Variants in ZNF678 observed in about 807,000 individuals in gnomAD.
ZNF678 encodes the protein zinc finger protein 678, also known as hypothetical protein MGC42493.
Under a neutral mutation model 3.0 loss-of-function variants are expected in ZNF678, and 5 were observed. The ratio of observed to expected loss-of-function variants is 1.69; its 90% confidence interval spans 0.88 to 3.56. The LOEUF (loss-of-function observed/expected upper bound fraction) is 3.56, where lower values mean the gene tolerates loss of function less well. Ranked by LOEUF, ZNF678 falls within the 30% of genes most tolerant of loss-of-function variation. ZNF678 has a pLI of 0.00. For synonymous variants in ZNF678, 218 were observed against 199.6 expected (o/e 1.09, Z -0.78); for missense variants, 593 against 605.0 (o/e 0.98, Z 0.21).
intron 1 of ZNF678, among the ~76,000 whole-genome samples, chr1:227,635,666 C>A (rs1318655162): frequency 6.6e-6 from 1 of 152,022 alleles, no homozygotes; most frequent in African/African-American, 2.4e-5. Flanking sequence ...TGGTCTCCTG[C>A]AAGCTGGAAG....
rs1204504279 is a variant in ZNF678, at chr1:227,654,532, C to T, written c.282C>T (p.Ser94=). ...TTACTCAATGTTCATCAACTAAAAG[C>T]AAAATCTTTCAATGTATTGAATGTG... is the stretch of plus-strand genomic sequence containing the variant. The part of the protein sequence containing the change: ...NRLTQCSSTK[S]KIFQCIECGR... Residue 94 remains serine (S), a synonymous_variant, in exon 4 of 4, where the codon AGC becomes AGT. Transcript: ENST00000343776. The T allele has an allele frequency of 1.2e-6, 2 of 1,613,132 alleles. No homozygotes were observed. The highest frequency in any genetic ancestry group is 2.7e-5 in the African/African-American group (2 of 74,870).
At chr1:227,634,113 A>G (rs1658618207) in intron 1 of ZNF678, among the ~76,000 whole-genome samples, 1 of 152,122 alleles carries the variant, frequency 6.6e-6, no homozygotes, top group African/African-American at 2.4e-5. Context: ...ACATTTCTAT[A>G]CACCCGCTGG....
intron 1 of ZNF678, among the ~76,000 whole-genome samples, chr1:227,591,193 T>C (rs1294717714): frequency 6.6e-6 from 1 of 151,816 alleles, no homozygotes; most frequent in Non-Finnish European, 1.5e-5. Context: ...ATAAACTTTT[T>C]CTCAAACCAC....
At chr1:227,636,514 G>A (rs1658683322) in intron 1 of ZNF678, among the ~76,000 whole-genome samples, 1 of 152,134 alleles carries the variant, frequency 6.6e-6, no homozygotes, top group Non-Finnish European at 1.5e-5. Context: ...ATTCTATTTA[G>A]CATATATATA....
chr1:227,565,735 G>T (rs1186167909), intron 1 of ZNF678, among the ~76,000 whole-genome samples: 1 of 152,164 alleles, frequency 6.6e-6, no homozygotes, highest in Non-Finnish European at 1.5e-5. Context: ...CTTTACAGCT[G>T]GTTGTATCCT....
In ZNF678 at chr1:227,656,394, C is replaced by T. The variant is rs1659250754; in HGVS notation, c.*566C>T. ...GAAGCACAGTTACATTCATGTTATA[C>T]TTTTTTGCATTAAAAGTTTTTATAT... On this transcript the variant is annotated 3_prime_UTR_variant, in exon 4 of 4. Transcript: ENST00000343776. 4.6e-5 allele frequency: 7 copies of T among 151,552 alleles called. No individual in the cohort carries two copies. The highest frequency in any genetic ancestry group is 4.0e-4 in the Admixed American group (6 of 15,172). 9.4% of individuals were successfully genotyped at this position (151,552 alleles called of 1,614,324 possible). A position where few individuals can be genotyped will look rare whatever the true frequency, so the allele number is the denominator to read the frequency against.
At chr1:227,578,875 C>G (rs1267355346) in intron 1 of ZNF678, among the ~76,000 whole-genome samples, 1 of 152,158 alleles carries the variant, frequency 6.6e-6, no homozygotes, top group Non-Finnish European at 1.5e-5. Context: ...GTTAGTTTAT[C>G]TACCTTCAAT....
intron 1 of ZNF678, among the ~76,000 whole-genome samples, chr1:227,642,017 G>A (rs1317560007): frequency 1.3e-5 from 2 of 152,172 alleles, no homozygotes; most frequent in East Asian, 3.9e-4. Context: ...AGGTCCTGGG[G>A]TTCTTCAGCA....
Position 227,629,193 on chromosome 1 carries a change from G to A in ZNF678, c.-163-17351G>A, listed in dbSNP as rs1658492840. 2.6e-5 allele frequency among the ~76,000 whole-genome samples: 4 copies of A among 152,118 alleles called. No homozygotes were observed. The South Asian group carries it at 6.2e-4, about 24-fold the overall frequency. On this transcript the variant is annotated intron_variant, in intron 1 of 3. Coordinates refer to ENST00000343776, the MANE Select transcript of ZNF678 (RefSeq NM_001367909.1). ...GTCCTTCTTGTGCCTCGGGTCTAAG[G>A]GGGTACTGCCTTTGGTAGGGAAAGG...
intron 1 of ZNF678, among the ~76,000 whole-genome samples, chr1:227,631,699 T>C (rs955385371): frequency 2.0e-5 from 3 of 152,214 alleles, no homozygotes; most frequent in Non-Finnish European, 2.9e-5. Flanking sequence ...ATGTGCCTTT[T>C]TCCTGCGAGA....
At position 227,655,408 on chromosome 1, in the gene ZNF678, T is replaced by TA; in HGVS notation, c.1160dup (p.Asn387LysfsTer10). On this transcript the variant is annotated frameshift_variant, in exon 4 of 4. Coordinates refer to ENST00000343776, the MANE Select transcript of ZNF678 (RefSeq NM_001367909.1). LOFTEE classifies it low-confidence loss of function (END_TRUNC). ...AATGCAAAGAATGTGGCAAAGCGTTTAACAAGTTCTCAAGCCTTACTCAAC... is the reference window on the plus strand; with the variant it reads ...AATGCAAAGAATGTGGCAAAGCGTTTAAACAAGTTCTCAAGCCTTACTCAAC... 1.2e-6 allele frequency: 2 copies of TA among 1,612,682 alleles called. No individual in the cohort carries two copies. The highest frequency in any genetic ancestry group is 1.1e-5 in the South Asian group (1 of 90,988).
At chr1:227,593,502 G>T (rs571377634) in intron 1 of ZNF678, among the ~76,000 whole-genome samples, 2 of 152,164 alleles carry the variant, frequency 1.3e-5, no homozygotes, top group Non-Finnish European at 2.9e-5. Flanking sequence ...CTCCTGGTTG[G>T]CACTGGGGTC....
At position 227,585,810 on chromosome 1, in the gene ZNF678, G is replaced by A. The variant is rs374976130; in HGVS notation, c.-164+22086G>A. On this transcript the variant is annotated intron_variant, in intron 1 of 3. Coordinates refer to ENST00000343776, the MANE Select transcript of ZNF678 (RefSeq NM_001367909.1). Reference sequence around the variant, plus strand: ...AAACAAAAATGTGTATTCTCTAGACGTTTAAAAAATCCTCTCTCAAATCTA... The same window carrying A: ...AAACAAAAATGTGTATTCTCTAGACATTTAAAAAATCCTCTCTCAAATCTA... Among the ~76,000 whole-genome samples, 32 of 152,074 alleles carry A rather than the reference G, an allele frequency of 2.1e-4. No individual in the cohort carries two copies. The South Asian group carries it at 5.0e-3, about 24-fold the overall frequency.
intron 1 of ZNF678, among the ~76,000 whole-genome samples, chr1:227,620,391 T>C (rs1215719365): frequency 6.6e-6 from 1 of 152,190 alleles, no homozygotes; most frequent in Non-Finnish European, 1.5e-5. Context: ...GTGTGTTGCC[T>C]TCGTCTTTTG....
chr1:227,598,038 C>T (rs569052444), intron 1 of ZNF678, among the ~76,000 whole-genome samples: 1 of 152,176 alleles, frequency 6.6e-6, no homozygotes, highest in African/African-American at 2.4e-5. Context: ...TTAATGTAAT[C>T]CCTCCTCCAA....
intron 1 of ZNF678, among the ~76,000 whole-genome samples, chr1:227,576,826 G>C (rs1656997247): frequency 6.8e-6 from 1 of 147,650 alleles, no homozygotes; most frequent in Non-Finnish European, 1.5e-5. Context: ...TGTGATGTTA[G>C]GTTGTTAATT....
intron 1 of ZNF678, among the ~76,000 whole-genome samples, chr1:227,583,703 C>A (rs751012005): frequency 1.3e-5 from 2 of 152,090 alleles, no homozygotes; most frequent in Admixed American, 6.5e-5. Context: ...CTCCAGTTGT[C>A]CTGTCACAGT....
Position 227,654,966 on chromosome 1 carries a change from G to A in ZNF678, c.716G>A (p.Cys239Tyr). The change falls in exon 4 of 4, where the codon TGC (cysteine) becomes TAC (tyrosine). Residue 239 changes from cysteine to tyrosine, a missense_variant. Transcript: ENST00000343776. ...RIHTGEKPYK[C>Y]KECCKAFNKF... ...CATACTGGAGAGAAACCCTACAAAT[G>A]CAAAGAATGTTGCAAAGCCTTTAAC... 1 of 1,612,366 alleles carries A rather than the reference G, an allele frequency of 6.2e-7. No individual in the cohort carries two copies. The highest frequency in any genetic ancestry group is 8.5e-7 in the Non-Finnish European group (1 of 1,179,420).
At chr1:227,590,057 T>C (rs1339424837) in intron 1 of ZNF678, among the ~76,000 whole-genome samples, 2 of 151,858 alleles carry the variant, frequency 1.3e-5, no homozygotes, top group African/African-American at 2.4e-5. Flanking sequence ...AGAGTAGCGA[T>C]GAAACCTTTT....
Sources: allele counts gnomAD v4.1 joint callset (sites outside exome capture counted in the v4.1 genomes callset), GRCh38; gene constraint gnomAD v4.1.1; transcripts MANE v1.5; gene names NCBI Gene and HGNC (gene_info 2026-07-23, HGNC 2026-07-21).